The following PLPP4 variants were observed in gnomAD, a reference collection of about 807,000 sequenced individuals.
PLPP4 encodes phospholipid phosphatase 4.
PLPP4 carries 20 observed loss-of-function variants against 32.2 expected under a neutral mutation model. The observed-to-expected ratio is 0.62, with a 90% CI of 0.44 to 0.90. The LOEUF is 0.90. Among genes scored for constraint, PLPP4 ranks in the 40% least tolerant of loss-of-function variants. PLPP4 has a pLI of 0.00. For synonymous variants in PLPP4, 127 were observed against 133.0 expected, an observed-to-expected ratio of 0.95 and a Z score of 0.31; for missense variants, 257 against 353.1, an observed-to-expected ratio of 0.73 and a Z score of 2.18.
At chr10:120,553,430 C>A (rs1448333414) in intron 5 of PLPP4, among the ~76,000 whole-genome samples, 1 of 152,170 alleles carries the variant, frequency 6.6e-6, no homozygotes, top group African/African-American at 2.4e-5. Context: ...GAAGGTACCA[C>A]CTTTGAACCA....
At chr10:120,508,515 T>C (rs1845599262) in intron 2 of PLPP4, among the ~76,000 whole-genome samples, 1 of 152,190 alleles carries the variant, frequency 6.6e-6, no homozygotes, top group Non-Finnish European at 1.5e-5. Context: ...TTGTTAGAAG[T>C]CCTTGGCATC....
At chr10:120,514,771 G>A (rs912742711) in intron 3 of PLPP4, among the ~76,000 whole-genome samples, 3 of 152,110 alleles carry the variant, frequency 2.0e-5, no homozygotes, top group African/African-American at 4.8e-5. Flanking sequence ...CTTTTTGACC[G>A]TGAGAAAAAC....
intron 5 of PLPP4, among the ~76,000 whole-genome samples, chr10:120,569,447 A>G (rs911389787): frequency 1.3e-5 from 2 of 152,208 alleles, no homozygotes; most frequent in African/African-American, 4.8e-5. Context: ...ATCTTCTTTG[A>G]AAATGCAACA....
intron 5 of PLPP4, among the ~76,000 whole-genome samples, chr10:120,568,885 T>C (rs1480099921): frequency 6.6e-6 from 1 of 152,182 alleles, no homozygotes; most frequent in African/African-American, 2.4e-5. Context: ...TTCATAAGCA[T>C]TTTTCATCAA....
At chr10:120,569,586 G>A (rs1589901215) in intron 5 of PLPP4, among the ~76,000 whole-genome samples, 1 of 152,152 alleles carries the variant, frequency 6.6e-6, no homozygotes, top group African/African-American at 2.4e-5. Flanking sequence ...TTTCAAACAA[G>A]ACTGTGCAAC....
intron 5 of PLPP4, among the ~76,000 whole-genome samples, chr10:120,553,162 C>T (rs1847988312): frequency 6.6e-6 from 1 of 152,170 alleles, no homozygotes; most frequent in Non-Finnish European, 1.5e-5. Context: ...GCCTCTTACT[C>T]TTTCTCAGTT....
Position 120,591,456 on chromosome 10 carries a change from A to G in PLPP4, c.*1954A>G, listed in dbSNP as rs1220854063. Among the ~76,000 whole-genome samples, 1 of 152,240 alleles carries G rather than the reference A, an allele frequency of 6.6e-6. No individual in the cohort carries two copies. Among genetic ancestry groups the G allele is most frequent in the Non-Finnish European group, 1.5e-5 (1 of 68,038 alleles). On this transcript the variant is annotated 3_prime_UTR_variant, in exon 7 of 7. Transcript: ENST00000398250. Reference sequence around the variant, plus strand: ...GAAGATGAATGTGAGATATTTTAAGAGATAAATCATAGCAATTGAAAAGAC... The same window carrying G: ...GAAGATGAATGTGAGATATTTTAAGGGATAAATCATAGCAATTGAAAAGAC...
rs1280760980 is a variant in PLPP4, at chr10:120,468,476, A to G, written c.56+11115A>G. Among the ~76,000 whole-genome samples, 3 of 65,614 alleles carry G rather than the reference A, an allele frequency of 4.6e-5. 1 individual carries two copies. The highest frequency in any genetic ancestry group is 9.7e-5 in the African/African-American group (3 of 30,834). The allele number at this position is 65,614 out of a possible 152,430, so 43.0% of individuals were successfully genotyped here. A position where few individuals can be genotyped will look rare whatever the true frequency, so the allele number is the denominator to read the frequency against. On this transcript the variant is annotated intron_variant, in intron 1 of 6. Coordinates refer to ENST00000398250, the MANE Select transcript of PLPP4 (RefSeq NM_001030059.3). ...TAATGTAATAAAATCAATTGTGCCT[A>G]TATCTCTATAAAGATACATAATACA... is the stretch of plus-strand genomic sequence containing the variant.
chr10:120,492,653 G>A (rs915116346), intron 1 of PLPP4, among the ~76,000 whole-genome samples: 2 of 152,194 alleles, frequency 1.3e-5, no homozygotes, highest in African/African-American at 4.8e-5. Flanking sequence ...ATGAGTAAGA[G>A]GCAAAGGCAG....
intron 1 of PLPP4, among the ~76,000 whole-genome samples, chr10:120,496,007 C>T (rs181230076): frequency 1.2e-4 from 19 of 152,204 alleles, no homozygotes; most frequent in African/African-American, 4.6e-4. Context: ...AGCTACCCTG[C>T]CAGCAAACAC....
At chr10:120,566,827 T>C (rs1392382311) in intron 5 of PLPP4, among the ~76,000 whole-genome samples, 1 of 152,220 alleles carries the variant, frequency 6.6e-6, no homozygotes, top group African/African-American at 2.4e-5. Flanking sequence ...AGTGCTGGGA[T>C]TACAGGCGTG....
intron 5 of PLPP4, among the ~76,000 whole-genome samples, chr10:120,548,264 A>G (rs544919868): frequency 6.6e-6 from 1 of 151,994 alleles, no homozygotes; most frequent in East Asian, 1.9e-4. Context: ...AGTTTTTGTC[A>G]TTCTCGTCTT....
At chr10:120,573,053 C>T (rs995478166) in intron 5 of PLPP4, among the ~76,000 whole-genome samples, 1 of 152,080 alleles carries the variant, frequency 6.6e-6, no homozygotes, top group Non-Finnish European at 1.5e-5. Flanking sequence ...TCAAGTTCAA[C>T]GGGGAGGAGA....
chr10:120,518,741 T>C, intron 3 of PLPP4, 92 bp from the exon 4 acceptor site: 1 of 1,025,374 alleles, frequency 9.8e-7, no homozygotes, highest in Admixed American at 1.9e-5. Flanking sequence ...AATAGTATTA[T>C]AATGTAACAG....
intron 5 of PLPP4, among the ~76,000 whole-genome samples, chr10:120,562,402 C>T (rs961903569): frequency 2.6e-5 from 4 of 151,850 alleles, no homozygotes; most frequent in Admixed American, 1.3e-4. Context: ...TCATTTTTTT[C>T]GTTTCTAATT....
In PLPP4 at chr10:120,575,306, G is replaced by A; in HGVS notation, c.616+5G>A. The A allele has an allele frequency of 6.2e-7, 1 of 1,613,098 alleles. No individual in the cohort carries two copies. The highest frequency in any genetic ancestry group is 8.5e-7 in the Non-Finnish European group (1 of 1,179,322). ...ACTACAAGCATCACTGGCAAGGTGA[G>A]TCCCTGCCCAGGGCCTGACTAGTCC... On this transcript the variant is annotated splice_donor_5th_base_variant and intron_variant, in intron 6 of 6. Coordinates refer to ENST00000398250, the MANE Select transcript of PLPP4 (RefSeq NM_001030059.3).
At chr10:120,567,094 A>C (rs1015004491) in intron 5 of PLPP4, among the ~76,000 whole-genome samples, 14 of 151,536 alleles carry the variant, frequency 9.2e-5, no homozygotes, top group African/African-American at 2.4e-4. Context: ...GTTTTTATTA[A>C]TTTTTCTCTG....
At chr10:120,532,403 T>C (rs1015211749) in intron 5 of PLPP4, among the ~76,000 whole-genome samples, 8 of 152,198 alleles carry the variant, frequency 5.3e-5, no homozygotes, top group Non-Finnish European at 1.2e-4. Flanking sequence ...TAGTATAGCA[T>C]TATATTAGAT....
chr10:120,481,183 C>G (rs978289053), intron 1 of PLPP4, among the ~76,000 whole-genome samples: 3 of 152,178 alleles, frequency 2.0e-5, no homozygotes, highest in African/African-American at 7.2e-5. Context: ...GGATCTTGTA[C>G]CCCTGTAGGC....
Sources: allele counts gnomAD v4.1 joint callset (sites outside exome capture counted in the v4.1 genomes callset), GRCh38; gene constraint gnomAD v4.1.1; transcripts MANE v1.5; gene names NCBI Gene and HGNC (gene_info 2026-07-23, HGNC 2026-07-21).